The following PLPPR4 variants were observed in gnomAD, a reference collection of about 807,000 sequenced individuals.
PLPPR4 encodes phospholipid phosphatase related 4.
In PLPPR4, 24 loss-of-function variants were observed where a neutral mutation model predicts 56.6. The ratio of observed to expected loss-of-function variants is 0.42; its 90% confidence interval spans 0.31 to 0.60. PLPPR4 has a LOEUF of 0.60. Among genes scored for constraint, PLPPR4 ranks in the 20% least tolerant of loss-of-function variants. The pLI is 0.13. For synonymous variants in PLPPR4, 326 were observed against 328.1 expected (o/e 0.99, Z 0.07); for missense variants, 654 against 885.8 (o/e 0.74, Z 3.32).
At chr1:99,275,566 A>G (rs576163535) in intron 1 of PLPPR4, among the ~76,000 whole-genome samples, 1 of 152,294 alleles carries the variant, frequency 6.6e-6, no homozygotes, top group South Asian at 2.1e-4. Context: ...TAATTAATGA[A>G]TATAGGGAGA....
intron 1 of PLPPR4, among the ~76,000 whole-genome samples, chr1:99,268,555 T>G (rs1658966338): frequency 6.6e-6 from 1 of 152,240 alleles, no homozygotes; most frequent in African/African-American, 2.4e-5. Flanking sequence ...TAGAATTATT[T>G]TTTTCTTACA....
intron 1 of PLPPR4, among the ~76,000 whole-genome samples, chr1:99,277,492 C>T (rs568289297): frequency 4.3e-4 from 65 of 152,278 alleles, no homozygotes; most frequent in African/African-American, 1.6e-3. Context: ...AAATGTTTTC[C>T]TTGCAAATTG....
At chr1:99,264,428 G>A (rs1309493917), upstream of PLPPR4, 4 of 1,462,052 alleles carry the variant, frequency 2.7e-6, no homozygotes, top group East Asian at 2.5e-5. Flanking sequence ...AAAAAGGGGC[G>A]GGGAGAAGGC....
chr1:99,267,788 C>G (rs1420429670), intron 1 of PLPPR4, among the ~76,000 whole-genome samples: 1 of 152,180 alleles, frequency 6.6e-6, no homozygotes, highest in African/African-American at 2.4e-5. Flanking sequence ...CCACAGGCTT[C>G]TTGAAATGGA....
intron 1 of PLPPR4, among the ~76,000 whole-genome samples, chr1:99,275,467 G>A (rs991289509): frequency 6.6e-6 from 1 of 152,110 alleles, no homozygotes; most frequent in South Asian, 2.1e-4. Context: ...ACTCCAGCCT[G>A]TAGAACAATG....
chr1:99,273,476 C>A (rs902623558), intron 1 of PLPPR4, among the ~76,000 whole-genome samples: 12 of 152,036 alleles, frequency 7.9e-5, no homozygotes, highest in African/African-American at 1.2e-4. Flanking sequence ...CAAAAGTCTG[C>A]GCTATGGGTT....
At chr1:99,266,176 T>A (rs1322887483) in intron 1 of PLPPR4, among the ~76,000 whole-genome samples, 1 of 152,248 alleles carries the variant, frequency 6.6e-6, no homozygotes, top group Non-Finnish European at 1.5e-5. Context: ...TCAAGTTCAA[T>A]CCATCAGACC....
intron 6 of PLPPR4, 42 bp from the exon 7 acceptor site, chr1:99,305,643 T>C: frequency 1.3e-6 from 2 of 1,575,264 alleles, no homozygotes. Flanking sequence ...CTAGTGACTG[T>C]CTTCTAGTGC....
intron 2 of PLPPR4, among the ~76,000 whole-genome samples, chr1:99,289,629 T>G (rs1248374773): frequency 6.6e-6 from 1 of 152,004 alleles, no homozygotes; most frequent in Non-Finnish European, 1.5e-5. Context: ...TACTGAAGTT[T>G]TAACAAAAAA....
intron 6 of PLPPR4, among the ~76,000 whole-genome samples, chr1:99,303,986 AG>A (rs1659950158): frequency 6.6e-5 from 10 of 152,222 alleles, no homozygotes. Flanking sequence ...TATAGTGCAA[AG>A]GATTTGGTTA....
intron 5 of PLPPR4, among the ~76,000 whole-genome samples, chr1:99,301,399 T>A (rs1557782754): frequency 6.6e-6 from 1 of 152,070 alleles, no homozygotes; most frequent in Non-Finnish European, 1.5e-5. Flanking sequence ...ATAGTCATTT[T>A]ATCTAATTTG....
chr1:99,275,236 G>A (rs1659155214), intron 1 of PLPPR4, among the ~76,000 whole-genome samples: 1 of 152,130 alleles, frequency 6.6e-6, no homozygotes. Flanking sequence ...ACTATAGGGA[G>A]ATGAATTTTT....
intron 2 of PLPPR4, among the ~76,000 whole-genome samples, chr1:99,288,616 T>G (rs928289273): frequency 6.6e-6 from 1 of 152,092 alleles, no homozygotes; most frequent in African/African-American, 2.4e-5. Context: ...TAAATAATTA[T>G]AAAGATATAA....
intron 4 of PLPPR4, among the ~76,000 whole-genome samples, chr1:99,300,470 A>G (rs1659858235): frequency 6.6e-6 from 1 of 152,030 alleles, no homozygotes; most frequent in Admixed American, 6.6e-5. Context: ...GCCATGAGAA[A>G]ATAACTTCAT....
rs572035608 is a variant in PLPPR4 at position 99,290,149 on chromosome 1, C to T, written c.264+1999C>T. Among the ~76,000 whole-genome samples, 616 of 152,136 alleles carry T rather than the reference C, an allele frequency of 4.0e-3. 2 individuals carry two copies. The highest frequency in any genetic ancestry group is 8.7e-3 in the South Asian group (42 of 4,816). On this transcript the variant is annotated intron_variant, in intron 2 of 6. Coordinates refer to ENST00000370185, the MANE Select transcript of PLPPR4 (RefSeq NM_014839.5). ...CACTAGCAATCCTATACCCCAACAA[C>T]AGTTAAGCTGAGAGCCAAATCAAAA...
intron 6 of PLPPR4, among the ~76,000 whole-genome samples, chr1:99,302,932 G>T (rs758559092): frequency 4.6e-5 from 7 of 151,524 alleles, no homozygotes; most frequent in Non-Finnish European, 1.0e-4. Context: ...CATTTGGGTT[G>T]GTTCCAAGTC....
chr1:99,299,006 G>T (rs201635716), intron 3 of PLPPR4, 29 bp from the exon 4 acceptor site: 2 of 1,521,994 alleles, frequency 1.3e-6, no homozygotes, highest in East Asian at 2.3e-5. Context: ...CCACCAACTT[G>T]GTAACAATTT....
chr1:99,289,532 T>C (rs2100799671), intron 2 of PLPPR4, among the ~76,000 whole-genome samples: 1 of 152,192 alleles, frequency 6.6e-6, no homozygotes, highest in Middle Eastern at 3.4e-3. Flanking sequence ...CTATTAATAA[T>C]GTACTTGGAA....
chr1:99,270,008 T>C (rs1353398094), intron 1 of PLPPR4, among the ~76,000 whole-genome samples: 1 of 145,338 alleles, frequency 6.9e-6, no homozygotes, highest in Non-Finnish European at 1.5e-5. Flanking sequence ...TGTGTGTGTG[T>C]GTGTGTGTGT....
Sources: gnomAD v4.1 joint callset for allele counts (sites outside exome capture counted in the v4.1 genomes callset) on GRCh38, gnomAD v4.1.1 for gene constraint, MANE v1.5 for transcripts, NCBI Gene and HGNC (gene_info 2026-07-23, HGNC 2026-07-21) for gene names.